The following NCALD variants were observed in gnomAD, a reference collection of about 807,000 sequenced individuals.
NCALD encodes the protein neurocalcin delta.
In NCALD, 10 loss-of-function variants were observed where a neutral mutation model predicts 18.6. The observed-to-expected ratio is 0.54, with a 90% CI of 0.33 to 0.91. The LOEUF (loss-of-function observed/expected upper bound fraction) is 0.91, where lower values mean the gene tolerates loss of function less well. NCALD is among the 40% of genes least tolerant of loss of function. The pLI is 0.03. For synonymous variants in NCALD, 88 were observed against 87.4 expected (o/e 1.01, Z -0.04); for missense variants, 184 against 247.6 (o/e 0.74, Z 1.72).
chr8:102,107,003 T>A (rs932521669), intron 1 of NCALD, among the ~76,000 whole-genome samples: 2 of 151,732 alleles, frequency 1.3e-5, no homozygotes, highest in African/African-American at 2.4e-5. Context: ...TCCCCTTCTG[T>A]GAAAACCACA....
At chr8:101,733,662 G>T (rs1161025098) in intron 1 of NCALD, among the ~76,000 whole-genome samples, 1 of 152,158 alleles carries the variant, frequency 6.6e-6, no homozygotes, top group African/African-American at 2.4e-5. Flanking sequence ...TCTCCCCATT[G>T]TTTTACTTCC....
chr8:101,999,165 C>G (rs1158227513), intron 2 of NCALD, among the ~76,000 whole-genome samples: 3 of 150,326 alleles, frequency 2.0e-5, no homozygotes, highest in Non-Finnish European at 4.4e-5. Context: ...ATAATATGAG[C>G]TCTTTAGAAG....
At chr8:102,123,415 T>C (rs1431779833) in intron 1 of NCALD, among the ~76,000 whole-genome samples, 1 of 151,556 alleles carries the variant, frequency 6.6e-6, no homozygotes, top group Non-Finnish European at 1.5e-5. Context: ...CCAAATGGCA[T>C]TCTTTCTCCA....
At chr8:101,858,556 G>A (rs1343400341) in intron 4 of NCALD, among the ~76,000 whole-genome samples, 1 of 152,126 alleles carries the variant, frequency 6.6e-6, no homozygotes, top group African/African-American at 2.4e-5. Context: ...GCACAGCAGG[G>A]AGTGGGAGTA....
chr8:101,880,019 C>T (rs1001673208), intron 4 of NCALD, among the ~76,000 whole-genome samples: 4 of 121,220 alleles, frequency 3.3e-5, no homozygotes, highest in African/African-American at 1.2e-4. Flanking sequence ...GACTGGGCGC[C>T]GTGGAGCAGA....
intron 2 of NCALD, among the ~76,000 whole-genome samples, chr8:101,702,033 C>T (rs1252043387): frequency 6.6e-6 from 1 of 152,108 alleles, no homozygotes; most frequent in Non-Finnish European, 1.5e-5. Context: ...TTCCAAGGTG[C>T]TTTAAGCATT....
intron 1 of NCALD, among the ~76,000 whole-genome samples, chr8:101,753,739 T>G (rs1035358642): frequency 1.3e-5 from 2 of 152,028 alleles, no homozygotes; most frequent in Non-Finnish European, 2.9e-5. Flanking sequence ...GTGGTGAGGA[T>G]GAAATGCCTG....
At chr8:102,016,948 A>G (rs1367662129) in intron 2 of NCALD, among the ~76,000 whole-genome samples, 1 of 152,210 alleles carries the variant, frequency 6.6e-6, no homozygotes, top group African/African-American at 2.4e-5. Flanking sequence ...AATATGTTAA[A>G]GGCTCTCATG....
intron 4 of NCALD, among the ~76,000 whole-genome samples, chr8:101,874,236 G>A (rs960086749): frequency 3.5e-4 from 54 of 152,258 alleles, no homozygotes; most frequent in Middle Eastern, 3.4e-3. Flanking sequence ...GCCCAAAGGT[G>A]GAGCTGATAG....
intron 1 of NCALD, among the ~76,000 whole-genome samples, chr8:102,122,653 A>G (rs1296479155): frequency 1.3e-5 from 2 of 152,242 alleles, no homozygotes; most frequent in Admixed American, 1.3e-4. Context: ...TTATCTTCAC[A>G]GTAACCCTGA....
chr8:101,964,171 C>T (rs904045245), intron 2 of NCALD, among the ~76,000 whole-genome samples: 2 of 152,158 alleles, frequency 1.3e-5, no homozygotes, highest in Non-Finnish European at 2.9e-5. Context: ...TGCTCACCAC[C>T]TCTCACCTAT....
chr8:102,017,060 C>T (rs999878072), intron 2 of NCALD, among the ~76,000 whole-genome samples: 8 of 151,918 alleles, frequency 5.3e-5, no homozygotes, highest in Non-Finnish European at 7.4e-5. Context: ...GAAATTTTAT[C>T]CAAATTGAAA....
chr8:101,911,621 C>T (rs899557392), intron 3 of NCALD, among the ~76,000 whole-genome samples: 3 of 152,046 alleles, frequency 2.0e-5, no homozygotes, highest in Non-Finnish European at 2.9e-5. Context: ...CCTCCCAAAG[C>T]GCTGGGATTA....
intron 1 of NCALD, among the ~76,000 whole-genome samples, chr8:102,034,397 T>C (rs1379271416): frequency 6.6e-6 from 1 of 152,230 alleles, no homozygotes; most frequent in Non-Finnish European, 1.5e-5. Context: ...AGAAGCATTA[T>C]AATGTTGCTG....
chr8:102,033,277 C>T (rs1429868815), intron 1 of NCALD, among the ~76,000 whole-genome samples: 1 of 152,246 alleles, frequency 6.6e-6, no homozygotes, highest in African/African-American at 2.4e-5. Context: ...GAATCACCTA[C>T]TGAAGGCTCA....
intron 1 of NCALD, among the ~76,000 whole-genome samples, chr8:101,746,715 A>G (rs1332362439): frequency 1.3e-5 from 2 of 151,410 alleles, no homozygotes; most frequent in African/African-American, 4.8e-5. Flanking sequence ...TAAATTTTAT[A>G]TTAATTATAA....
chr8:102,056,798 G>A (rs1423183387), intron 1 of NCALD, among the ~76,000 whole-genome samples: 1 of 152,260 alleles, frequency 6.6e-6, no homozygotes, highest in Non-Finnish European at 1.5e-5. Context: ...ACCTCAGTTA[G>A]TGAGCAATTC....
intron 1 of NCALD, among the ~76,000 whole-genome samples, chr8:102,032,895 T>C (rs1191159661): frequency 6.6e-6 from 1 of 152,148 alleles, no homozygotes; most frequent in Non-Finnish European, 1.5e-5. Flanking sequence ...GCTCACCAAG[T>C]GAATCTGGCT....
At chr8:102,106,462 TATATAC>T (rs1242995432) in intron 1 of NCALD, among the ~76,000 whole-genome samples, 33 of 142,514 alleles carry the variant, frequency 2.3e-4, no homozygotes, top group African/African-American at 6.1e-4. Flanking sequence ...TATATATATA[TATATAC>T]ACACACACAC....
Sources: gnomAD v4.1 joint callset for allele counts (sites outside exome capture counted in the v4.1 genomes callset) on GRCh38, gnomAD v4.1.1 for gene constraint, MANE v1.5 for transcripts, NCBI Gene and HGNC (gene_info 2026-07-23, HGNC 2026-07-21) for gene names.